Variants in USP12 observed in about 807,000 individuals in gnomAD.
USP12 encodes ubiquitin specific peptidase 12.
USP12 carries 19 observed loss-of-function variants against 45.5 expected under a neutral mutation model. That is an observed-to-expected ratio of 0.42 (90% confidence interval 0.29 to 0.61). The LOEUF is 0.61. USP12 is among the 20% of genes least tolerant of loss of function. The pLI is 0.22. For missense variants in USP12, 242 were observed against 447.7 expected, an observed-to-expected ratio of 0.54 and a Z score of 4.15; for synonymous variants, 149 against 148.8, an observed-to-expected ratio of 1.00 and a Z score of -0.01.
chr13:27,105,259 C>A (rs931766814), intron 3 of USP12, among the ~76,000 whole-genome samples: 1 of 152,148 alleles, frequency 6.6e-6, no homozygotes, highest in African/African-American at 2.4e-5. Context: ...GCTCCTTCCC[C>A]GGAGTGTGGC....
intron 1 of USP12, among the ~76,000 whole-genome samples, chr13:27,152,003 A>C (rs919368202): frequency 1.3e-5 from 2 of 152,158 alleles, no homozygotes; most frequent in African/African-American, 4.8e-5. Context: ...AAGTCAGATA[A>C]CAAGTACCAA....
intron 3 of USP12, 30 bp downstream of exon 3, chr13:27,105,701 T>C (rs751635868): frequency 3.1e-6 from 5 of 1,591,500 alleles, no homozygotes; most frequent in East Asian, 4.5e-5. Context: ...CTTCCTAGTA[T>C]GTCATTAATA....
In USP12 at chr13:27,066,678, T is replaced by C. The variant is rs1212152865; in HGVS notation, c.*2605A>G. 6.6e-6 allele frequency: 1 copy of C among 152,196 alleles called. No homozygotes were observed. The highest frequency in any genetic ancestry group is 6.6e-5 in the Admixed American group (1 of 15,264). 9.4% of individuals were successfully genotyped at this position (152,196 alleles called of 1,614,324 possible). A position where few individuals can be genotyped will look rare whatever the true frequency, so the allele number is the denominator to read the frequency against. ...GGACTTAATTTAGAATATTTACTTT[T>C]AGTTACAATAATTTATAGAAATTTT... is the stretch of plus-strand genomic sequence containing the variant. On this transcript the variant is annotated 3_prime_UTR_variant, in exon 9 of 9. Transcript: ENST00000282344.
intron 2 of USP12, 71 bp from the exon 3 acceptor site, chr13:27,106,015 T>C: frequency 7.5e-7 from 1 of 1,340,024 alleles, no homozygotes; most frequent in Non-Finnish European, 1.0e-6. Flanking sequence ...TCCCGGTATA[T>C]GGTTGAGAAC....
At chr13:27,079,926 A>C (rs1873670304) in intron 6 of USP12, among the ~76,000 whole-genome samples, 1 of 152,228 alleles carries the variant, frequency 6.6e-6, no homozygotes, top group Non-Finnish European at 1.5e-5. Context: ...GTGACACATT[A>C]CAATGAGGGG....
At chr13:27,141,344 C>T (rs919138144) in intron 1 of USP12, among the ~76,000 whole-genome samples, 3 of 152,104 alleles carry the variant, frequency 2.0e-5, no homozygotes, top group Non-Finnish European at 4.4e-5. Context: ...CATTTCCTTG[C>T]TATGTCCACT....
intron 1 of USP12, among the ~76,000 whole-genome samples, chr13:27,162,545 G>A (rs1394736375): frequency 1.3e-5 from 2 of 152,110 alleles, no homozygotes; most frequent in Admixed American, 1.3e-4. Flanking sequence ...CAAGATGACA[G>A]ATAGAGAAAG....
At chr13:27,084,497 GAA>G (rs397851869) in intron 6 of USP12, among the ~76,000 whole-genome samples, 30,068 of 97,634 alleles carry the variant, frequency 0.31, 3,445 homozygotes, top group East Asian at 0.53. Context: ...ACAGTGAGAT[GAA>G]AAAAAAAAAA....
At chr13:27,163,183 C>A (rs112928560) in intron 1 of USP12, among the ~76,000 whole-genome samples, 2 of 152,276 alleles carry the variant, frequency 1.3e-5, no homozygotes, top group African/African-American at 4.8e-5. Context: ...TCATGACTGT[C>A]CTCTGGACTT....
At chr13:27,107,004 A>G (rs1286196973) in intron 2 of USP12, among the ~76,000 whole-genome samples, 1 of 152,162 alleles carries the variant, frequency 6.6e-6, no homozygotes, top group African/African-American at 2.4e-5. Context: ...TAGTCTAATC[A>G]TTTTAAAAAA....
At chr13:27,099,612 A>G (rs1443922081) in intron 3 of USP12, among the ~76,000 whole-genome samples, 2 of 152,182 alleles carry the variant, frequency 1.3e-5, no homozygotes, top group East Asian at 3.8e-4. Flanking sequence ...AGACAAGTTT[A>G]ATTTATAGAC....
intron 1 of USP12, among the ~76,000 whole-genome samples, chr13:27,169,302 A>G (rs1878481017): frequency 6.6e-6 from 1 of 152,178 alleles, no homozygotes; most frequent in African/African-American, 2.4e-5. Flanking sequence ...AGAGACAGGC[A>G]CACACACTCG....
chr13:27,096,700 T>C (rs1229118229), intron 3 of USP12, among the ~76,000 whole-genome samples: 2 of 152,106 alleles, frequency 1.3e-5, no homozygotes, highest in Non-Finnish European at 2.9e-5. Context: ...GCAGCCTGAC[T>C]CCACCATGCC....
intron 1 of USP12, among the ~76,000 whole-genome samples, chr13:27,146,493 A>G (rs1401979062): frequency 3.3e-5 from 5 of 152,192 alleles, no homozygotes; most frequent in Non-Finnish European, 7.3e-5. Flanking sequence ...GGATAGAATC[A>G]AGCAATTAGT....
At chr13:27,118,021 A>T (rs986955055) in intron 1 of USP12, among the ~76,000 whole-genome samples, 1 of 149,542 alleles carries the variant, frequency 6.7e-6, no homozygotes, top group African/African-American at 2.5e-5. Flanking sequence ...CTAGATAAAT[A>T]TAACTGCCGG....
At chr13:27,110,750 C>T (rs17085200) in intron 2 of USP12, among the ~76,000 whole-genome samples, 6,334 of 152,146 alleles carry the variant, frequency 0.042, 164 homozygotes, top group Admixed American at 0.074. Flanking sequence ...ACCCAGTATC[C>T]AGTATAAATC....
At chr13:27,099,118 A>C (rs940838394) in intron 3 of USP12, among the ~76,000 whole-genome samples, 8 of 152,194 alleles carry the variant, frequency 5.3e-5, no homozygotes, top group African/African-American at 1.9e-4. Context: ...ATTTGGACAT[A>C]TATATTTAAG....
intron 3 of USP12, among the ~76,000 whole-genome samples, chr13:27,097,357 T>A (rs1874636357): frequency 6.6e-6 from 1 of 151,960 alleles, no homozygotes; most frequent in South Asian, 2.1e-4. Context: ...CCCAGCTACT[T>A]GGGAAGCTGA....
rs1199192807 is a variant in USP12, at chr13:27,116,543, G to T, written c.102C>A (p.Val34=). The change falls in exon 2 of 9, where the codon GTC becomes GTA. Residue 34 remains valine, a synonymous_variant. Coordinates refer to ENST00000282344, the MANE Select transcript of USP12 (RefSeq NM_182488.4). ...TGACTAATCCAAAATAGTGCTCATT[G>T]ACCGGAAACTGTTCTGGACCAATCT... The part of the protein sequence containing the change: ...EKEIGPEQFP[V]NEHYFGLVNF... The T allele has an allele frequency of 6.2e-7, 1 of 1,613,280 alleles. No homozygotes were observed. Among genetic ancestry groups the T allele is most frequent in the South Asian group, 1.1e-5 (1 of 90,968 alleles).
Sources: allele counts gnomAD v4.1 joint callset (sites outside exome capture counted in the v4.1 genomes callset), GRCh38; gene constraint gnomAD v4.1.1; transcripts MANE v1.5; gene names NCBI Gene and HGNC (gene_info 2026-07-23, HGNC 2026-07-21).